ITSN1: variants seen among roughly 807,000 people sequenced by gnomAD.
ITSN1 encodes the protein intersectin 1.
In ITSN1, 58 loss-of-function variants were observed where a neutral mutation model predicts 239.8. The ratio of observed to expected loss-of-function variants is 0.24; its 90% confidence interval spans 0.20 to 0.30. The LOEUF (loss-of-function observed/expected upper bound fraction) is 0.30. Among genes scored for constraint, ITSN1 ranks in the 10% least tolerant of loss-of-function variants. ITSN1 has a pLI of 1.00. For synonymous variants in ITSN1, 780 were observed against 770.8 expected, an observed-to-expected ratio of 1.01 and a Z score of -0.20; for missense variants, 1,558 against 2,103.3, an observed-to-expected ratio of 0.74 and a Z score of 5.07.
At chr21:33,733,448 C>T (rs1228514831) in intron 4 of ITSN1, among the ~76,000 whole-genome samples, 1 of 151,924 alleles carries the variant, frequency 6.6e-6, no homozygotes, top group East Asian at 1.9e-4. Flanking sequence ...AAATCAAGGA[C>T]TAACAACCTT....
In ITSN1 at chr21:33,889,229, C is replaced by G. The variant is rs775075037; in HGVS notation, c.*929C>G. On this transcript the variant is annotated 3_prime_UTR_variant, in exon 40 of 40. Coordinates refer to ENST00000381318, the MANE Select transcript of ITSN1 (RefSeq NM_003024.3). ...TGTTCTGTGCTTGAATGTGCTGAAT[C>G]CTGATTGTTGTAGGACATTTCAACA... 1 of 151,962 alleles carries G rather than the reference C, an allele frequency of 6.6e-6. No homozygotes were observed. Among genetic ancestry groups the G allele is most frequent in the South Asian group, 2.1e-4 (1 of 4,808 alleles). The allele number at this position is 151,962 out of a possible 1,614,324, so 9.4% of individuals were successfully genotyped here. A position where few individuals can be genotyped will look rare whatever the true frequency, so the allele number is the denominator to read the frequency against.
chr21:33,746,500 AAAG>A (rs1365532206), intron 5 of ITSN1, among the ~76,000 whole-genome samples: 2 of 152,210 alleles, frequency 1.3e-5, no homozygotes, highest in Non-Finnish European at 2.9e-5. Context: ...AAATTACAAA[AAAG>A]AGGAAAATTG....
chr21:33,855,484 G>A (rs1979152661), intron 29 of ITSN1, among the ~76,000 whole-genome samples: 1 of 152,240 alleles, frequency 6.6e-6, no homozygotes, highest in South Asian at 2.1e-4. Context: ...ACACCTCTGG[G>A]TCTGTCTTCC....
intron 9 of ITSN1, among the ~76,000 whole-genome samples, chr21:33,764,180 A>C (rs1180803472): frequency 6.6e-6 from 1 of 152,202 alleles, no homozygotes; most frequent in African/African-American, 2.4e-5. Context: ...TATTTATTTT[A>C]AATTTCTCAT....
At chr21:33,687,305 C>G (rs551283119) in intron 1 of ITSN1, among the ~76,000 whole-genome samples, 1 of 146,276 alleles carries the variant, frequency 6.8e-6, no homozygotes, top group South Asian at 2.1e-4. Flanking sequence ...GGCTGTGGCA[C>G]GAGAATTGCT....
intron 33 of ITSN1, among the ~76,000 whole-genome samples, chr21:33,871,667 C>G (rs1047347221): frequency 9.3e-5 from 14 of 151,056 alleles, no homozygotes; most frequent in Non-Finnish European, 1.0e-4. Context: ...CTTAAACCCA[C>G]GAGGTGAAAG....
At chr21:33,824,826 G>T (rs1247650236) in intron 25 of ITSN1, among the ~76,000 whole-genome samples, 1 of 152,196 alleles carries the variant, frequency 6.6e-6, no homozygotes, top group Non-Finnish European at 1.5e-5. Context: ...GCAGCTAAGT[G>T]GAATTCCCAT....
intron 2 of ITSN1, among the ~76,000 whole-genome samples, chr21:33,719,198 T>C (rs1457767185): frequency 6.6e-6 from 1 of 152,200 alleles, no homozygotes; most frequent in African/African-American, 2.4e-5. Context: ...CCCAGCACTT[T>C]GGGAGGCCGA....
intron 20 of ITSN1, among the ~76,000 whole-genome samples, chr21:33,808,815 C>A (rs989160986): frequency 6.6e-6 from 1 of 152,184 alleles, no homozygotes; most frequent in African/African-American, 2.4e-5. Flanking sequence ...TTGATCATTA[C>A]ACTTTGCAGT....
At chr21:33,756,259 T>A (rs2147559439) in intron 8 of ITSN1, among the ~76,000 whole-genome samples, 1 of 134,548 alleles carries the variant, frequency 7.4e-6, no homozygotes, top group African/African-American at 2.9e-5. Flanking sequence ...CTGCACTCCA[T>A]CCTGGGCTGC....
At chr21:33,810,947 C>G (rs1195015767) in intron 20 of ITSN1, 28 bp from the exon 21 acceptor site, 4 of 1,614,070 alleles carry the variant, frequency 2.5e-6, no homozygotes, top group Non-Finnish European at 2.5e-6. Flanking sequence ...TAATTTAGTT[C>G]TACTTAAAGC....
chr21:33,667,264 G>GT (rs34984373), intron 1 of ITSN1, among the ~76,000 whole-genome samples: 5,552 of 142,046 alleles, frequency 0.039, 293 homozygotes, highest in African/African-American at 0.13. Context: ...GGATTTTTTT[G>GT]TTTTTTTTTT....
rs141317839 is a variant in ITSN1, at chr21:33,797,548, C to G, written c.2122C>G (p.Leu708Val). 5 of 1,614,064 alleles carry G rather than the reference C, an allele frequency of 3.1e-6. No individual in the cohort carries two copies. Among genetic ancestry groups the G allele is most frequent in the Middle Eastern group, 1.7e-4 (1 of 6,056 alleles). Reference protein sequence around the residue: ...KQEAQDKLGRLFHQHQEPAKP... With the variant: ...KQEAQDKLGRVFHQHQEPAKP... ...GGAAGCACAAGACAAGCTGGGTCGGCTTTTCCATCAACACCAAGAACCAGC... is the reference window on the plus strand; with the variant it reads ...GGAAGCACAAGACAAGCTGGGTCGGGTTTTCCATCAACACCAAGAACCAGC... Residue 708 changes from leucine to valine, a missense_variant, in exon 18 of 40, where the codon CTT (leucine) becomes GTT (valine). Physicochemically the swap from Leu to Val is conservative, Grantham distance 32 (BLOSUM62 1). Around this residue, in one of 2 missense-constraint regions of ITSN1, gnomAD observed 982 missense variants for 1,209.9 expected, o/e 0.81. Coordinates refer to ENST00000381318, the MANE Select transcript of ITSN1 (RefSeq NM_003024.3). This position sits in a 1 kb window ranked among gnomAD's most constrained non-coding sequence, Gnocchi z 4.9.
In ITSN1 at chr21:33,884,980, CA is replaced by C. The variant is rs1985541528; in HGVS notation, c.4677-60del. 2.4e-6 allele frequency: 3 copies of C among 1,231,100 alleles called. No homozygotes were observed. The Admixed American group carries it at 5.2e-5, about 21-fold the overall frequency. 76.3% of individuals were successfully genotyped at this position (1,231,100 alleles called of 1,614,324 possible). On this transcript the variant is annotated intron_variant, in intron 36 of 39. Coordinates refer to ENST00000381318, the MANE Select transcript of ITSN1 (RefSeq NM_003024.3). ...CAGAGTCCTGGCAACAGTGTTTGAA[CA>C]GACCTGAAGCCTTTTTCCTGAGTTT...
rs2067466536 is a variant in ITSN1 at position 33,750,339 on chromosome 21, A to G, written c.526+17A>G. On this transcript the variant is annotated intron_variant, in intron 6 of 39. Transcript: ENST00000381318. ...CTCATCCTGGTATGTGACTTGCTGA[A>G]ACCATAGGCTGAGTTTTTACTACTT... The G allele has an allele frequency of 6.2e-7, 1 of 1,608,806 alleles. No homozygotes were observed. Among genetic ancestry groups the G allele is most frequent in the Admixed American group, 1.7e-5 (1 of 59,952 alleles).
rs35001467 is a variant in ITSN1 at position 33,887,319 on chromosome 21, C to CAAA, written c.5018-822_5018-820dup. Among the ~76,000 whole-genome samples, 218 of 144,356 alleles carry CAAA rather than the reference C, an allele frequency of 1.5e-3. 1 individual carries two copies. Among genetic ancestry groups the CAAA allele is most frequent in the African/African-American group, 5.3e-3 (210 of 39,516 alleles). The allele number at this position is 144,356 out of a possible 152,430, so 94.7% of individuals were successfully genotyped here. A position where few individuals can be genotyped will look rare whatever the true frequency, so the allele number is the denominator to read the frequency against. ...GGGCAACAGAGCAAGATCCTGTCTC[C>CAAA]AAAAAAAAAAAAATCACAGAGTAAG... On this transcript the variant is annotated intron_variant, in intron 39 of 39. Transcript: ENST00000381318.
At chr21:33,763,964 T>C (rs1443650539) in intron 9 of ITSN1, among the ~76,000 whole-genome samples, 1 of 152,326 alleles carries the variant, frequency 6.6e-6, no homozygotes, top group East Asian at 1.9e-4. Context: ...TCTCTTCCCT[T>C]CTGTTTTGTA....
intron 5 of ITSN1, among the ~76,000 whole-genome samples, chr21:33,745,809 G>A (rs2067144921): frequency 6.6e-6 from 1 of 152,206 alleles, no homozygotes; most frequent in Non-Finnish European, 1.5e-5. Context: ...ATTCTTGGCT[G>A]AGGCTATGCA....
chr21:33,738,256 T>A lies in ITSN1; in HGVS notation c.346+3052T>A, dbSNP rs529320444. On this transcript the variant is annotated intron_variant, in intron 5 of 39. Coordinates refer to ENST00000381318, the MANE Select transcript of ITSN1 (RefSeq NM_003024.3). ...CTTATATATAGTATGTGCCTTCACATATAATATTTGATCACAATGATAACC... is the reference window on the plus strand; with the variant it reads ...CTTATATATAGTATGTGCCTTCACAAATAATATTTGATCACAATGATAACC... Among the ~76,000 whole-genome samples, 46 of 152,272 alleles carry A rather than the reference T, an allele frequency of 3.0e-4. 1 individual carries two copies. The highest frequency in any genetic ancestry group is 9.6e-4 in the African/African-American group (40 of 41,564).
Sources: allele counts gnomAD v4.1 joint callset (sites outside exome capture counted in the v4.1 genomes callset), GRCh38; gene constraint gnomAD v4.1.1; regional missense constraint gnomAD v4.1.1; non-coding constraint Gnocchi (gnomAD v3.1); transcripts MANE v1.5; gene names NCBI Gene and HGNC (gene_info 2026-07-23, HGNC 2026-07-21).